NR1H4: variants seen among roughly 807,000 people sequenced by gnomAD.
NR1H4 encodes nuclear receptor subfamily 1 group H member 4.
In NR1H4, 23 loss-of-function variants were observed where a neutral mutation model predicts 58.5. That is an observed-to-expected ratio of 0.39 (90% CI 0.28 to 0.56). The LOEUF is 0.56. Among genes scored for constraint, NR1H4 ranks in the 20% least tolerant of loss-of-function variants. NR1H4 has a pLI of 0.58. For synonymous variants in NR1H4, 214 were observed against 198.0 expected (o/e 1.08, Z -0.68); for missense variants, 487 against 576.9 (o/e 0.84, Z 1.60).
In NR1H4 at chr12:100,503,012, A is replaced by G. The variant is rs576885543; in HGVS notation, c.80-7766A>G. Among the ~76,000 whole-genome samples, 9 of 152,244 alleles carry G rather than the reference A, an allele frequency of 5.9e-5. No homozygotes were observed. The South Asian group carries it at 1.7e-3, about 28-fold the overall frequency. ...GAGATTTGGGTTGGGACACAGCCAAACCATATCAAGCATTATGCTTTAAAT... is the reference window on the plus strand; with the variant it reads ...GAGATTTGGGTTGGGACACAGCCAAGCCATATCAAGCATTATGCTTTAAAT... On this transcript the variant is annotated intron_variant, in intron 3 of 10. Transcript: ENST00000392986.
At chr12:100,510,493 A>G (rs937217158) in intron 3 of NR1H4, among the ~76,000 whole-genome samples, 1 of 151,360 alleles carries the variant, frequency 6.6e-6, no homozygotes, top group South Asian at 2.1e-4. Context: ...CCCTTTTTCC[A>G]TAGCTTCTCA....
intron 8 of NR1H4, 51 bp from the exon 9 acceptor site, chr12:100,540,621 C>T: frequency 3.8e-6 from 6 of 1,578,026 alleles, no homozygotes; most frequent in Non-Finnish European, 5.2e-6. Flanking sequence ...TGATGGTGAT[C>T]ATGAAATATT....
intron 8 of NR1H4, among the ~76,000 whole-genome samples, chr12:100,537,992 A>G (rs1954852120): frequency 1.3e-5 from 2 of 152,154 alleles, no homozygotes; most frequent in Non-Finnish European, 2.9e-5. Flanking sequence ...TTACAGGCGC[A>G]AGCCACCATG....
Position 100,535,051 on chromosome 12 carries a change from G to T in NR1H4, c.732+28G>T, listed in dbSNP as rs372832782. The T allele has an allele frequency of 6.3e-5, 102 of 1,613,896 alleles. 1 individual carries two copies. The East Asian group carries it at 8.2e-4, about 13-fold the overall frequency. On this transcript the variant is annotated intron_variant, in intron 6 of 10. Transcript: ENST00000392986. The stretch of plus-strand genomic sequence containing the variant: ...AATAATATGCAATGGTGTCTGCCAA[G>T]ACTGGCAGGAACTGAGTTTCTAGGT...
At chr12:100,477,026 A>T (rs1411465571) in intron 1 of NR1H4, among the ~76,000 whole-genome samples, 1 of 152,200 alleles carries the variant, frequency 6.6e-6, no homozygotes, top group Non-Finnish European at 1.5e-5. Context: ...CTGTATGAGG[A>T]GGCAAAAATC....
intron 3 of NR1H4, among the ~76,000 whole-genome samples, chr12:100,501,460 C>T (rs1323337514): frequency 6.6e-6 from 1 of 152,134 alleles, no homozygotes; most frequent in East Asian, 1.9e-4. Flanking sequence ...CTTAGTTTTT[C>T]CACCACGGGA....
At chr12:100,552,742 G>A (rs1034055065) in intron 9 of NR1H4, among the ~76,000 whole-genome samples, 48 of 152,170 alleles carry the variant, frequency 3.2e-4, no homozygotes, top group Middle Eastern at 6.8e-3. Context: ...AGAATACATA[G>A]CAAGTCCCTG....
intron 9 of NR1H4, among the ~76,000 whole-genome samples, chr12:100,545,242 CTGAGG>C (rs10547880): frequency 0.032 from 4,814 of 152,114 alleles, 135 homozygotes; most frequent in Non-Finnish European, 0.051. Context: ...CCCAGCCTGG[CTGAGG>C]TGGGGAAAAT....
chr12:100,538,702 T>C (rs1954867476), intron 8 of NR1H4, among the ~76,000 whole-genome samples: 1 of 152,224 alleles, frequency 6.6e-6, no homozygotes, highest in Admixed American at 6.5e-5. Flanking sequence ...AGATAACTTC[T>C]GACATAGGAT....
intron 3 of NR1H4, chr12:100,500,117 G>C (rs997529506): frequency 4.8e-5 from 17 of 353,998 alleles, no homozygotes; most frequent in African/African-American, 3.4e-4. Context: ...TAGTAAGTAG[G>C]CAACTGAAAT....
At chr12:100,507,515 T>G (rs1022917066) in intron 3 of NR1H4, among the ~76,000 whole-genome samples, 1 of 152,100 alleles carries the variant, frequency 6.6e-6, no homozygotes, top group African/African-American at 2.4e-5. Flanking sequence ...CAGGCTGGAG[T>G]GCAGTGGCGC....
chr12:100,491,699 A>G (rs543053344), intron 1 of NR1H4, among the ~76,000 whole-genome samples: 2 of 151,994 alleles, frequency 1.3e-5, no homozygotes, highest in African/African-American at 4.8e-5. Context: ...TTGATGGGCT[A>G]TGCCGTGGGT....
chr12:100,509,910 TGC>T (rs200179932), intron 3 of NR1H4, among the ~76,000 whole-genome samples: 3,696 of 151,450 alleles, frequency 0.024, 117 homozygotes, highest in African/African-American at 0.075. Flanking sequence ...CGTGGGCACG[TGC>T]GCGCACACAC....
intron 1 of NR1H4, among the ~76,000 whole-genome samples, chr12:100,478,647 T>C (rs1303457624): frequency 1.3e-5 from 2 of 152,120 alleles, no homozygotes; most frequent in African/African-American, 4.8e-5. Flanking sequence ...TAATAGTTGA[T>C]ACTATAGAGC....
chr12:100,489,344 A>G (rs1953559224), intron 1 of NR1H4, among the ~76,000 whole-genome samples: 2 of 152,196 alleles, frequency 1.3e-5, no homozygotes, highest in African/African-American at 2.4e-5. Flanking sequence ...AAGGCTAGAT[A>G]GTAAATATTT....
At position 100,510,856 on chromosome 12, in the gene NR1H4, A is replaced by G. The variant is rs771321635; in HGVS notation, c.158A>G (p.Gln53Arg). 28 of 1,614,178 alleles carry G rather than the reference A, an allele frequency of 1.7e-5. No individual in the cohort carries two copies. In the South Asian group the frequency reaches 2.2e-4, roughly 13 times the overall value. The change falls in exon 4 of 11, where the codon CAG (glutamine) becomes CGG (arginine). Residue 53 changes from glutamine (Q) to arginine (R), a missense_variant. By Grantham distance (43) the Gln-to-Arg change is conservative. Transcript: ENST00000392986. ...CCATACTCGCAATACAGCAATGTTCAGTTTCCCCAAGTTCAACCACAGATT... is the reference window on the plus strand; with the variant it reads ...CCATACTCGCAATACAGCAATGTTCGGTTTCCCCAAGTTCAACCACAGATT... Reference protein sequence around the residue: ...VEPYSQYSNVQFPQVQPQISS... With the variant: ...VEPYSQYSNVRFPQVQPQISS...
chr12:100,545,656 AAAAAAAAAAAAAAC>A lies in NR1H4; in HGVS notation c.1078+4839_1078+4852del, dbSNP rs1448996493. Reference sequence around the variant, plus strand: ...GACCTTGTCTCAAAAAAAAAAAAAAAAAAAAAAAAAAAACCAAACGGGGGGCATATATGCGTAAT... The same window carrying A: ...GACCTTGTCTCAAAAAAAAAAAAAAACAAACGGGGGGCATATATGCGTAAT... On this transcript the variant is annotated intron_variant, in intron 9 of 10. Coordinates refer to ENST00000392986, the MANE Select transcript of NR1H4 (RefSeq NM_001206979.2). Among the ~76,000 whole-genome samples, 7 of 147,106 alleles carry A rather than the reference AAAAAAAAAAAAAAC, an allele frequency of 4.8e-5. 1 individual carries two copies. Among genetic ancestry groups the A allele is most frequent in the East Asian group, 2.0e-4 (1 of 5,114 alleles).
intron 9 of NR1H4, among the ~76,000 whole-genome samples, chr12:100,545,669 AC>A (rs1394223740): frequency 0.052 from 5,884 of 114,038 alleles, 1,774 homozygotes; most frequent in East Asian, 0.12. Context: ...AAAAAAAAAA[AC>A]CAAACGGGGG....
intron 4 of NR1H4, among the ~76,000 whole-genome samples, chr12:100,531,555 A>G (rs1954693340): frequency 6.6e-6 from 1 of 152,260 alleles, no homozygotes; most frequent in Admixed American, 6.5e-5. Flanking sequence ...AAAACTTGCT[A>G]TGCACAAACC....
Sources: gnomAD v4.1 joint callset for allele counts (sites outside exome capture counted in the v4.1 genomes callset) on GRCh38, gnomAD v4.1.1 for gene constraint, MANE v1.5 for transcripts, NCBI Gene and HGNC (gene_info 2026-07-23, HGNC 2026-07-21) for gene names.